The following RRP15 variants were observed in gnomAD, a reference collection of about 807,000 sequenced individuals.
RRP15 encodes RRP15-like protein.
Under a neutral mutation model 27.1 loss-of-function variants are expected in RRP15, and 18 were observed. The ratio of observed to expected loss-of-function variants is 0.66; its 90% CI spans 0.46 to 0.98. The LOEUF is 0.98. Among genes scored for constraint, RRP15 ranks in the 50% least tolerant of loss-of-function variants. The pLI is 0.00. For missense variants in RRP15, 359 were observed against 337.8 expected (o/e 1.06, Z -0.49); for synonymous variants, 107 against 109.4 (o/e 0.98, Z 0.14).
At position 218,335,219 on chromosome 1, in the gene RRP15, T is replaced by C. The variant is rs1172692230; in HGVS notation, c.*4128T>C. 6.6e-6 allele frequency: 1 copy of C among 152,190 alleles called. No individual in the cohort carries two copies. Among genetic ancestry groups the C allele is most frequent in the East Asian group, 1.9e-4 (1 of 5,200 alleles). The allele number at this position is 152,190 out of a possible 1,614,324, so 9.4% of individuals were successfully genotyped here. A position where few individuals can be genotyped will look rare whatever the true frequency, so the allele number is the denominator to read the frequency against. ...ACTGAACATAATTTCAGGGAGTTAG[T>C]ATTTAGGACTTTTTACCTAGAGATG... is the stretch of plus-strand genomic sequence containing the variant. On this transcript the variant is annotated 3_prime_UTR_variant, in exon 5 of 5. Coordinates refer to ENST00000366932, the MANE Select transcript of RRP15 (RefSeq NM_016052.4).
intron 1 of RRP15, among the ~76,000 whole-genome samples, chr1:218,296,528 C>A (rs890982005): frequency 2.0e-5 from 3 of 151,820 alleles, no homozygotes; most frequent in Non-Finnish European, 4.4e-5. Flanking sequence ...TGCCTATAGT[C>A]CCAGCTACTT....
chr1:218,327,459 T>A (rs1656291904), intron 4 of RRP15, among the ~76,000 whole-genome samples: 1 of 152,138 alleles, frequency 6.6e-6, no homozygotes. Flanking sequence ...TGTGCTATCA[T>A]GCGTAGGCTA....
chr1:218,295,608 T>C (rs1202975001), intron 1 of RRP15, among the ~76,000 whole-genome samples: 1 of 152,230 alleles, frequency 6.6e-6, no homozygotes, highest in African/African-American at 2.4e-5. Flanking sequence ...ATTTAAGATA[T>C]AATAACCTAG....
At position 218,302,327 on chromosome 1, in the gene RRP15, C is replaced by T. The variant is rs866183543; in HGVS notation, c.173C>T (p.Ser58Phe). The T allele has an allele frequency of 5.0e-6, 8 of 1,613,702 alleles. No homozygotes were observed. The highest frequency in any genetic ancestry group is 1.3e-5 in the African/African-American group (1 of 74,866). The change falls in exon 2 of 5, where the codon TCT becomes TTT. Residue 58 changes from serine (S) to phenylalanine (F), a missense_variant. Coordinates refer to ENST00000366932, the MANE Select transcript of RRP15 (RefSeq NM_016052.4). ...SCGSEKDHFY[S>F]DDDAIEADSE... The stretch of plus-strand genomic sequence containing the variant: ...GGATCGGAAAAGGACCACTTTTATT[C>T]TGATGATGACGCAATAGAAGCTGAC...
At chr1:218,328,205 A>G (rs1164937502) in intron 4 of RRP15, among the ~76,000 whole-genome samples, 1 of 152,238 alleles carries the variant, frequency 6.6e-6, no homozygotes, top group Non-Finnish European at 1.5e-5. Context: ...TGGACAATTG[A>G]GTAAAACGTT....
intron 4 of RRP15, among the ~76,000 whole-genome samples, chr1:218,329,136 C>T (rs926365686): frequency 5.6e-5 from 8 of 144,144 alleles, no homozygotes; most frequent in Admixed American, 3.0e-4. Context: ...TGTGGTGGCT[C>T]TTGCCTATAA....
At chr1:218,317,725 C>T (rs1049600096) in intron 4 of RRP15, among the ~76,000 whole-genome samples, 2 of 136,276 alleles carry the variant, frequency 1.5e-5, no homozygotes, top group African/African-American at 5.7e-5. Flanking sequence ...TGCCCCACAC[C>T]CTTTTTTTTT....
chr1:218,329,703 A>AT (rs1356325909), intron 4 of RRP15, among the ~76,000 whole-genome samples: 1 of 152,154 alleles, frequency 6.6e-6, no homozygotes, highest in Non-Finnish European at 1.5e-5. Flanking sequence ...CTTTGCTTAC[A>AT]TTTATATCCC....
chr1:218,289,112 T>C (rs1655594482), intron 1 of RRP15, among the ~76,000 whole-genome samples: 1 of 152,234 alleles, frequency 6.6e-6, no homozygotes, highest in South Asian at 2.1e-4. Context: ...TGGTACCCAC[T>C]CATAAATATT....
rs1215112015 is a variant in RRP15 at position 218,295,912 on chromosome 1, C to CT, written c.140-6371dup. Among the ~76,000 whole-genome samples, 487 of 147,416 alleles carry CT rather than the reference C, an allele frequency of 3.3e-3. 2 individuals carry two copies. The highest frequency in any genetic ancestry group is 6.1e-3 in the African/African-American group (246 of 40,408). ...GATGACTTCATTTTTTCAAAGGTAA[C>CT]TTTTTTTTTTTGAAGTTTTAAAGCA... On this transcript the variant is annotated intron_variant, in intron 1 of 4. Transcript: ENST00000366932.
chr1:218,329,994 T>C lies in RRP15; in HGVS notation c.706-954T>C, dbSNP rs141801811. ...ATGACAGCATAATGATAACACTGTT[T>C]TCTAACCAAATGTCATGGGTTCTTG... On this transcript the variant is annotated intron_variant, in intron 4 of 4. Transcript: ENST00000366932. Among the ~76,000 whole-genome samples, 216 of 152,252 alleles carry C rather than the reference T, an allele frequency of 1.4e-3. 1 individual carries two copies. The highest frequency in any genetic ancestry group is 4.8e-3 in the African/African-American group (201 of 41,564).
chr1:218,292,176 C>T (rs896569030), intron 1 of RRP15, among the ~76,000 whole-genome samples: 1 of 152,168 alleles, frequency 6.6e-6, no homozygotes, highest in Non-Finnish European at 1.5e-5. Context: ...AAACTCATAG[C>T]ACCATACATT....
intron 3 of RRP15, among the ~76,000 whole-genome samples, chr1:218,306,320 T>C (rs1655897384): frequency 6.6e-6 from 1 of 152,184 alleles, no homozygotes; most frequent in African/African-American, 2.4e-5. Context: ...CCTAGATGGA[T>C]GCCCGCATGT....
At chr1:218,324,653 TTCTGTTTTA>T (rs1656243080) in intron 4 of RRP15, among the ~76,000 whole-genome samples, 1 of 152,230 alleles carries the variant, frequency 6.6e-6, no homozygotes, top group Admixed American at 6.5e-5. Context: ...TCTATTAGTT[TTCTGTTTTA>T]GTAGGCAAAG....
At chr1:218,296,505 G>C (rs1655721105) in intron 1 of RRP15, among the ~76,000 whole-genome samples, 1 of 151,936 alleles carries the variant, frequency 6.6e-6, no homozygotes, top group Admixed American at 6.6e-5. Flanking sequence ...AATTAGCTCA[G>C]CGTGGTGGTG....
rs375820597 is a variant in RRP15, at chr1:218,285,462, T to G, written c.139+7T>G. On this transcript the variant is annotated splice_region_variant and intron_variant, in intron 1 of 4. Coordinates refer to ENST00000366932, the MANE Select transcript of RRP15 (RefSeq NM_016052.4). ...GACACTTCTGATAGTGAAGGTAATG[T>G]GGTAGGGCTGAGCTTTGGTGTCTGG... 9.3e-6 allele frequency: 15 copies of G among 1,613,712 alleles called. No individual in the cohort carries two copies. In the African/African-American group the frequency reaches 1.6e-4, roughly 17 times the overall value.
chr1:218,320,567 T>C lies in RRP15; in HGVS notation c.706-10381T>C, dbSNP rs549071959. Among the ~76,000 whole-genome samples the C allele has an allele frequency of 2.6e-5, 4 of 152,164 alleles. No homozygotes were observed. The South Asian group carries it at 6.2e-4, about 24-fold the overall frequency. On this transcript the variant is annotated intron_variant, in intron 4 of 4. Transcript: ENST00000366932. ...AATGTTGAATTAAGAACTAAATGTA[T>C]GGATAACAAGATGTATAATAATAGA...
intron 1 of RRP15, among the ~76,000 whole-genome samples, chr1:218,300,518 A>G (rs1655796278): frequency 6.6e-6 from 1 of 152,232 alleles, no homozygotes; most frequent in South Asian, 2.1e-4. Context: ...CACTTGCTAA[A>G]AGTCAGGTCT....
intron 3 of RRP15, among the ~76,000 whole-genome samples, chr1:218,306,646 T>G (rs1398676623): frequency 6.6e-6 from 1 of 152,196 alleles, no homozygotes; most frequent in Non-Finnish European, 1.5e-5. Context: ...ACAGTCTAAA[T>G]CAACGCTATC....
Sources: allele counts gnomAD v4.1 joint callset (sites outside exome capture counted in the v4.1 genomes callset), GRCh38; gene constraint gnomAD v4.1.1; transcripts MANE v1.5; gene names NCBI Gene and HGNC (gene_info 2026-07-23, HGNC 2026-07-21).